The following RAB38 variants were observed in gnomAD, a reference collection of about 807,000 sequenced individuals.
RAB38 encodes RAB38, member RAS oncogene family, also known as ras-related protein Rab-38.
In RAB38, 15 loss-of-function variants were observed where a neutral mutation model predicts 18.4. The observed-to-expected ratio is 0.82, with a 90% CI of 0.55 to 1.26. The LOEUF (loss-of-function observed/expected upper bound fraction) is 1.26. Ranked by LOEUF, RAB38 falls within the 50% of genes most tolerant of loss-of-function variation. The probability of loss-of-function intolerance (pLI) is 0.00; values close to 1 mark genes in which losing one functional copy is unlikely to be tolerated. For synonymous variants in RAB38, 101 were observed against 104.4 expected (o/e 0.97, Z 0.20); for missense variants, 294 against 267.4 (o/e 1.10, Z -0.69).
intron 2 of RAB38, among the ~76,000 whole-genome samples, chr11:88,123,939 TAG>T (rs1214207245): frequency 1.3e-5 from 2 of 152,314 alleles, no homozygotes; most frequent in South Asian, 4.1e-4. Context: ...TCTCCCAAAC[TAG>T]AGAGTTAATT....
intron 2 of RAB38, among the ~76,000 whole-genome samples, chr11:88,121,715 G>A (rs889518745): frequency 6.6e-5 from 10 of 152,074 alleles, no homozygotes; most frequent in Non-Finnish European, 1.3e-4. Flanking sequence ...GGCGCCCGCC[G>A]CCACGCCCAG....
chr11:87,959,018 C>G, the RAB38 span, among the ~76,000 whole-genome samples: 2 of 152,284 alleles, frequency 1.3e-5, no homozygotes, highest in African/African-American at 4.8e-5. Flanking sequence ...CCTCCTCCTT[C>G]TGCGGAACTG....
At chr11:87,944,223 G>T in the RAB38 span, among the ~76,000 whole-genome samples, 1 of 152,108 alleles carries the variant, frequency 6.6e-6, no homozygotes, top group Non-Finnish European at 1.5e-5. Context: ...TAGAAAAGTG[G>T]TATGCTAGTC....
intron 1 of RAB38, among the ~76,000 whole-genome samples, chr11:88,163,376 T>C (rs1943209928): frequency 6.6e-6 from 1 of 152,160 alleles, no homozygotes; most frequent in Non-Finnish European, 1.5e-5. Context: ...AAAGAAGATC[T>C]TTGATCTAAC....
At chr11:87,975,839 C>T in the RAB38 span, among the ~76,000 whole-genome samples, 1 of 151,460 alleles carries the variant, frequency 6.6e-6, no homozygotes, top group Non-Finnish European at 1.5e-5. Flanking sequence ...CATATCAAGA[C>T]TGACCAAAGA....
the RAB38 span, among the ~76,000 whole-genome samples, chr11:87,889,417 T>C: frequency 6.6e-6 from 1 of 151,954 alleles, no homozygotes; most frequent in African/African-American, 2.4e-5. Context: ...GATCACCTCA[T>C]TGAAAAAGCC....
At chr11:88,132,428 C>T (rs183365327) in intron 2 of RAB38, among the ~76,000 whole-genome samples, 40 of 152,012 alleles carry the variant, frequency 2.6e-4, no homozygotes, top group Non-Finnish European at 4.9e-4. Context: ...CAAATATAGA[C>T]GAACACAATT....
chr11:88,048,649 G>A, the RAB38 span, among the ~76,000 whole-genome samples: 1 of 152,048 alleles, frequency 6.6e-6, no homozygotes, highest in African/African-American at 2.4e-5. Flanking sequence ...CTTGGACTGT[G>A]CCCCAAAAAA....
At chr11:87,867,507 T>C in the RAB38 span, among the ~76,000 whole-genome samples, 1 of 151,902 alleles carries the variant, frequency 6.6e-6, no homozygotes, top group Non-Finnish European at 1.5e-5. Flanking sequence ...CATAGGCTTT[T>C]CTGGAAATTG....
chr11:88,104,591 A>G, the RAB38 span, among the ~76,000 whole-genome samples: 1 of 152,086 alleles, frequency 6.6e-6, no homozygotes, highest in African/African-American at 2.4e-5. Context: ...CAGGTTAATG[A>G]TTATCTTGTG....
the RAB38 span, among the ~76,000 whole-genome samples, chr11:87,950,505 T>A: frequency 2.0e-5 from 3 of 152,196 alleles, no homozygotes; most frequent in African/African-American, 4.8e-5. Flanking sequence ...ATTTGGCATG[T>A]TTTTGCAGTG....
chr11:87,928,805 A>T, the RAB38 span, among the ~76,000 whole-genome samples: 1 of 152,160 alleles, frequency 6.6e-6, no homozygotes, highest in East Asian at 1.9e-4. Flanking sequence ...TTACTCTACT[A>T]TTTTTTGAAT....
chr11:87,941,752 C>G, the RAB38 span, among the ~76,000 whole-genome samples: 1 of 152,142 alleles, frequency 6.6e-6, no homozygotes, highest in East Asian at 1.9e-4. Flanking sequence ...TGAGGCTTAT[C>G]AAGACCAACT....
the RAB38 span, among the ~76,000 whole-genome samples, chr11:88,099,645 G>C: frequency 6.6e-6 from 1 of 151,816 alleles, no homozygotes; most frequent in African/African-American, 2.4e-5. Context: ...CTACTCATGG[G>C]AGTCTAGTGT....
chr11:87,913,420 G>T, the RAB38 span, among the ~76,000 whole-genome samples: 1 of 152,174 alleles, frequency 6.6e-6, no homozygotes, highest in East Asian at 1.9e-4. Context: ...ATTTTGTAAT[G>T]CCATTTGATT....
the RAB38 span, among the ~76,000 whole-genome samples, chr11:87,971,370 A>C: frequency 6.6e-6 from 1 of 152,112 alleles, no homozygotes; most frequent in Non-Finnish European, 1.5e-5. Context: ...TGTTGAAATA[A>C]AGTCAGGAAA....
At chr11:87,893,151 G>A in the RAB38 span, among the ~76,000 whole-genome samples, 11 of 151,170 alleles carry the variant, frequency 7.3e-5, no homozygotes, top group Admixed American at 2.0e-4. Flanking sequence ...CTTTCTCTTC[G>A]TCTTTCATTG....
chr11:88,084,677 A>T, the RAB38 span, among the ~76,000 whole-genome samples: 1 of 151,782 alleles, frequency 6.6e-6, no homozygotes, highest in East Asian at 2.0e-4. Flanking sequence ...CTCATATAAC[A>T]GCTCTCTCTC....
chr11:88,145,711 A>G (rs1444459058), intron 2 of RAB38, among the ~76,000 whole-genome samples: 1 of 152,234 alleles, frequency 6.6e-6, no homozygotes, highest in African/African-American at 2.4e-5. Flanking sequence ...CAGGAATACT[A>G]AAATATCCAT....
Sources: allele counts gnomAD v4.1 joint callset (sites outside exome capture counted in the v4.1 genomes callset), GRCh38; gene constraint gnomAD v4.1.1; transcripts MANE v1.5; gene names NCBI Gene and HGNC (gene_info 2026-07-23, HGNC 2026-07-21).